Variants in ROR2 observed in about 807,000 individuals in gnomAD.
ROR2 encodes the protein tyrosine-protein kinase transmembrane receptor ROR2.
A neutral mutation model predicts 74.9 loss-of-function variants in ROR2; 33 were observed. That is an observed-to-expected ratio of 0.44 (90% CI 0.33 to 0.59). The LOEUF (loss-of-function observed/expected upper bound fraction) is 0.59. ROR2 is among the 20% of genes least tolerant of loss of function. The pLI, the probability that ROR2 is intolerant of heterozygous loss-of-function variation, is 0.02. For missense variants in ROR2, 1,216 were observed against 1,313.8 expected (o/e 0.93, Z 1.15); for synonymous variants, 586 against 558.7 (o/e 1.05, Z -0.69).
chr9:91,906,943 T>C (rs139011185), intron 1 of ROR2, among the ~76,000 whole-genome samples: 3 of 152,300 alleles, frequency 2.0e-5, no homozygotes, highest in Non-Finnish European at 2.9e-5. Flanking sequence ...AAGTGGACGG[T>C]TTGGTGGCGG....
At position 91,757,519 on chromosome 9, in the gene ROR2, G is replaced by T; in HGVS notation, c.216C>A (p.Thr72=). ...GAATTGCCGTCTGGCCTTGGACAATGGTGATATTGTTTACTGGCTCCAGAA... is the reference window on the plus strand; with the variant it reads ...GAATTGCCGTCTGGCCTTGGACAATTGTGATATTGTTTACTGGCTCCAGAA... ...LNFLEPVNNI[T]IVQGQTAILH... is the part of the protein sequence containing the mutation. Residue 72 remains threonine, a synonymous_variant, in exon 3 of 9, where the codon ACC becomes ACA. Transcript: ENST00000375708. 6.2e-7 allele frequency: 1 copy of T among 1,613,756 alleles called. No individual in the cohort carries two copies. Among genetic ancestry groups the T allele is most frequent in the Non-Finnish European group, 8.5e-7 (1 of 1,179,974 alleles).
chr9:91,750,668 T>C (rs1052920857), intron 4 of ROR2, among the ~76,000 whole-genome samples: 1 of 152,160 alleles, frequency 6.6e-6, no homozygotes, highest in Admixed American at 6.5e-5. Context: ...GCAGTGTAGT[T>C]TGGTTCAGTC....
intron 1 of ROR2, among the ~76,000 whole-genome samples, chr9:91,911,780 C>A (rs1346295044): frequency 1.3e-5 from 2 of 152,010 alleles, no homozygotes; most frequent in Non-Finnish European, 2.9e-5. Flanking sequence ...AAAACAGCAG[C>A]TTTAAGGTGG....
chr9:91,883,940 G>C (rs1282538149), intron 1 of ROR2, among the ~76,000 whole-genome samples: 1 of 151,994 alleles, frequency 6.6e-6, no homozygotes, highest in African/African-American at 2.4e-5. Context: ...AAAATCTCAG[G>C]GGATTTCACA....
chr9:91,909,850 T>A (rs1377291292), intron 1 of ROR2, among the ~76,000 whole-genome samples: 18 of 107,202 alleles, frequency 1.7e-4, no homozygotes, highest in African/African-American at 7.8e-4. Flanking sequence ...TTGTTTTGTT[T>A]TTTTTTTTTT....
intron 1 of ROR2, among the ~76,000 whole-genome samples, chr9:91,873,572 A>G (rs1033755365): frequency 2.0e-5 from 3 of 152,210 alleles, no homozygotes; most frequent in Non-Finnish European, 4.4e-5. Context: ...AAGGTGACAA[A>G]GCAAGAATCC....
At chr9:91,909,550 C>T (rs1381189518) in intron 1 of ROR2, among the ~76,000 whole-genome samples, 1 of 149,768 alleles carries the variant, frequency 6.7e-6, no homozygotes, top group African/African-American at 2.5e-5. Flanking sequence ...CGGGGTCTCA[C>T]CATGTTGCCC....
intron 1 of ROR2, among the ~76,000 whole-genome samples, chr9:91,874,895 T>C (rs568234245): frequency 3.4e-4 from 51 of 150,708 alleles, no homozygotes; most frequent in African/African-American, 1.2e-3. Context: ...AGATCGCCAT[T>C]GCACTCCAGC....
intron 4 of ROR2, 75 bp downstream of exon 4, chr9:91,755,996 A>T: frequency 6.6e-7 from 1 of 1,524,302 alleles, no homozygotes; most frequent in Non-Finnish European, 9.1e-7. Context: ...AGCTGGCAGG[A>T]TTTAAACCCC....
At chr9:91,769,503 C>T (rs1181181512) in intron 2 of ROR2, among the ~76,000 whole-genome samples, 1 of 152,158 alleles carries the variant, frequency 6.6e-6, no homozygotes, top group Non-Finnish European at 1.5e-5. Flanking sequence ...CTGCCCTTGG[C>T]TACATAACAG....
intron 1 of ROR2, among the ~76,000 whole-genome samples, chr9:91,878,759 A>G (rs988336628): frequency 6.6e-6 from 1 of 152,234 alleles, no homozygotes; most frequent in Non-Finnish European, 1.5e-5. Context: ...CAAGAAACTC[A>G]TTACAGAAAA....
At chr9:91,880,480 C>T (rs4744111) in intron 1 of ROR2, among the ~76,000 whole-genome samples, 71,459 of 152,110 alleles carry the variant, frequency 0.47, 19,611 homozygotes, top group African/African-American at 0.75. Context: ...GCTGTGAGCA[C>T]ACTAATACAA....
At chr9:91,786,639 GA>G (rs1380412467) in intron 1 of ROR2, among the ~76,000 whole-genome samples, 2 of 152,174 alleles carry the variant, frequency 1.3e-5, no homozygotes, top group Non-Finnish European at 2.9e-5. Flanking sequence ...GGAGCTCTGT[GA>G]AAAGTACTGG....
intron 2 of ROR2, among the ~76,000 whole-genome samples, chr9:91,767,241 A>T (rs1364847535): frequency 6.6e-6 from 1 of 151,916 alleles, no homozygotes; most frequent in Admixed American, 6.6e-5. Flanking sequence ...CGCCCAGCTA[A>T]TTTTTGTGTT....
chr9:91,909,516 T>C (rs1420471201), intron 1 of ROR2, among the ~76,000 whole-genome samples: 1 of 130,982 alleles, frequency 7.6e-6, no homozygotes, highest in Non-Finnish European at 1.6e-5. Context: ...CCAACTAATT[T>C]TTTTTTTTTT....
chr9:91,723,683 G>A lies in ROR2; in HGVS notation c.2811C>T (p.Ala937=). ...GDCDTLQVDE[A]QVQLEA ...CCACTCAAGCTTCCAGCTGGACTTG[G>A]GCCTCGTCCACCTGCAGAGTGTCAC... The change falls in exon 9 of 9, where the codon GCC becomes GCT. Residue 937 remains alanine, a synonymous_variant. Coordinates refer to ENST00000375708, the MANE Select transcript of ROR2 (RefSeq NM_004560.4). The A allele has an allele frequency of 1.9e-6, 3 of 1,613,838 alleles. No individual in the cohort carries two copies. The highest frequency in any genetic ancestry group is 1.7e-6 in the Non-Finnish European group (2 of 1,179,974).
At chr9:91,932,578 C>T (rs551165678) in intron 1 of ROR2, among the ~76,000 whole-genome samples, 36 of 151,692 alleles carry the variant, frequency 2.4e-4, no homozygotes, top group Admixed American at 1.0e-3. Context: ...GCAGGAGAAT[C>T]ACTTGAACCA....
At chr9:91,772,899 T>C (rs1310444689) in intron 2 of ROR2, among the ~76,000 whole-genome samples, 2 of 152,216 alleles carry the variant, frequency 1.3e-5, no homozygotes, top group Non-Finnish European at 2.9e-5. Context: ...GAGAGAATCC[T>C]ACCTTAGAGC....
chr9:91,900,484 G>A (rs1222208352), intron 1 of ROR2, among the ~76,000 whole-genome samples: 2 of 152,212 alleles, frequency 1.3e-5, no homozygotes, highest in African/African-American at 4.8e-5. Context: ...ACACGAGGGC[G>A]CCGGGCCTGC....
Sources: allele counts gnomAD v4.1 joint callset (sites outside exome capture counted in the v4.1 genomes callset), GRCh38; gene constraint gnomAD v4.1.1; transcripts MANE v1.5; gene names NCBI Gene and HGNC (gene_info 2026-07-23, HGNC 2026-07-21).